The following CDH10 variants were observed in gnomAD, a reference collection of about 807,000 sequenced individuals.
CDH10 encodes cadherin 10.
Under a neutral mutation model 73.1 loss-of-function variants are expected in CDH10, and 30 were observed. The observed-to-expected ratio is 0.41, with a 90% CI of 0.31 to 0.56. CDH10 has a LOEUF of 0.56. CDH10 is among the 20% of genes least tolerant of loss of function. The pLI is 0.27. For missense variants in CDH10, 815 were observed against 973.7 expected, an observed-to-expected ratio of 0.84 and a Z score of 2.17; for synonymous variants, 345 against 348.2, an observed-to-expected ratio of 0.99 and a Z score of 0.10.
intron 5 of CDH10, among the ~76,000 whole-genome samples, chr5:24,514,207 C>T (rs932541342): frequency 3.3e-5 from 5 of 152,054 alleles, no homozygotes; most frequent in African/African-American, 4.8e-5. Context: ...ACATTGTAGC[C>T]GCATTGCCCC....
At chr5:24,629,654 T>C (rs181290600) in intron 1 of CDH10, among the ~76,000 whole-genome samples, 42 of 152,192 alleles carry the variant, frequency 2.8e-4, no homozygotes, top group African/African-American at 8.9e-4. Context: ...GTTCTCATGA[T>C]AGTGCATGAG....
At chr5:24,574,974 A>T (rs895348797) in intron 2 of CDH10, among the ~76,000 whole-genome samples, 17 of 152,088 alleles carry the variant, frequency 1.1e-4, no homozygotes, top group African/African-American at 3.6e-4. Context: ...AAATGAAGTT[A>T]ATCACTATTA....
chr5:24,607,549 C>T (rs1473212252), intron 1 of CDH10, among the ~76,000 whole-genome samples: 2 of 152,102 alleles, frequency 1.3e-5, no homozygotes, highest in Admixed American at 6.5e-5. Context: ...ATACGCTAAG[C>T]TTACAACAAT....
chr5:24,537,264 G>T, intron 3 of CDH10, 116 bp downstream of exon 3: 1 of 666,136 alleles, frequency 1.5e-6, no homozygotes, highest in Non-Finnish European at 2.5e-6. Flanking sequence ...AAATAAATAT[G>T]TACTCATGGT....
chr5:24,620,424 C>A (rs997070247), intron 1 of CDH10, among the ~76,000 whole-genome samples: 1 of 151,922 alleles, frequency 6.6e-6, no homozygotes, highest in African/African-American at 2.4e-5. Context: ...AATGAATCAG[C>A]CTTAATGATT....
At chr5:24,627,128 C>T (rs1747536267) in intron 1 of CDH10, among the ~76,000 whole-genome samples, 1 of 151,754 alleles carries the variant, frequency 6.6e-6, no homozygotes, top group Admixed American at 6.6e-5. Flanking sequence ...CTACCAGTAA[C>T]ATTTTAAAAA....
At chr5:24,499,949 G>A (rs1742429129) in intron 8 of CDH10, among the ~76,000 whole-genome samples, 1 of 152,080 alleles carries the variant, frequency 6.6e-6, no homozygotes, top group East Asian at 1.9e-4. Context: ...TTTTGGAAAA[G>A]TAAAGCTGAA....
chr5:24,522,302 C>A (rs1173141859), intron 5 of CDH10, among the ~76,000 whole-genome samples: 3 of 152,014 alleles, frequency 2.0e-5, no homozygotes, highest in Admixed American at 6.6e-5. Flanking sequence ...CTATTTTGAA[C>A]CTTGAATGCT....
intron 1 of CDH10, among the ~76,000 whole-genome samples, chr5:24,600,113 A>T (rs932920597): frequency 2.0e-5 from 3 of 152,180 alleles, no homozygotes; most frequent in African/African-American, 7.2e-5. Flanking sequence ...TTTTCAACTT[A>T]TCAAAAAAGA....
rs762877626 is a variant in CDH10 at position 24,511,539 on chromosome 5, GAGAGAC to G, written c.815-31_815-26del. The stretch of plus-strand genomic sequence containing the variant: ...TCTGTAAAGTATAAAGAAAAGAAGA[GAGAGAC>G]AGAGAGAGAGAGAGAGAGAGAGAGA... On this transcript the variant is annotated intron_variant, in intron 5 of 11. Transcript: ENST00000264463. 197 of 816,470 alleles carry G rather than the reference GAGAGAC, an allele frequency of 2.4e-4. 1 individual carries two copies. Among genetic ancestry groups the G allele is most frequent in the Admixed American group, 3.1e-4 (13 of 42,318 alleles). 50.6% of individuals were successfully genotyped at this position (816,470 alleles called of 1,614,324 possible). A position where few individuals can be genotyped will look rare whatever the true frequency, so the allele number is the denominator to read the frequency against.
chr5:24,572,189 A>G (rs1352421657), intron 2 of CDH10, among the ~76,000 whole-genome samples: 3 of 152,182 alleles, frequency 2.0e-5, no homozygotes, highest in Non-Finnish European at 2.9e-5. Context: ...AGGACCCGGG[A>G]AAGCCAAGGA....
chr5:24,581,597 C>A (rs1198835451), intron 2 of CDH10, among the ~76,000 whole-genome samples: 1 of 152,150 alleles, frequency 6.6e-6, no homozygotes, highest in Non-Finnish European at 1.5e-5. Context: ...CTAGAGATTG[C>A]CCAGAAAATA....
chr5:24,629,656 G>C (rs1579487166), intron 1 of CDH10, among the ~76,000 whole-genome samples: 1 of 152,222 alleles, frequency 6.6e-6, no homozygotes, highest in South Asian at 2.1e-4. Flanking sequence ...TCTCATGATA[G>C]TGCATGAGTC....
Position 24,505,099 on chromosome 5 carries a change from A to C in CDH10, c.1393+13T>G. 1 of 1,582,134 alleles carries C rather than the reference A, an allele frequency of 6.3e-7. No individual in the cohort carries two copies. Among genetic ancestry groups the C allele is most frequent in the Non-Finnish European group, 8.7e-7 (1 of 1,152,238 alleles). ...TATCTAGATATATGTTAGATACATA[A>C]AATTCATCTTACTGATTTCAGCAGC... On this transcript the variant is annotated intron_variant, in intron 8 of 11. Transcript: ENST00000264463.
At chr5:24,518,993 T>A (rs1743212993) in intron 5 of CDH10, among the ~76,000 whole-genome samples, 1 of 147,942 alleles carries the variant, frequency 6.8e-6, no homozygotes, top group African/African-American at 2.5e-5. Flanking sequence ...TGGGTTCAAG[T>A]GATTCTCATG....
chr5:24,504,483 T>C (rs1253067171), intron 8 of CDH10, among the ~76,000 whole-genome samples: 1 of 149,264 alleles, frequency 6.7e-6, no homozygotes, highest in East Asian at 2.0e-4. Context: ...AAAATTTATA[T>C]TAAATGCTTT....
chr5:24,614,836 A>C (rs1747075893), intron 1 of CDH10, among the ~76,000 whole-genome samples: 1 of 152,162 alleles, frequency 6.6e-6, no homozygotes, highest in Admixed American at 6.6e-5. Flanking sequence ...CCATCTAATT[A>C]TTCTGTGAAA....
chr5:24,492,619 GAT>G (rs1303161076), intron 10 of CDH10, among the ~76,000 whole-genome samples, 196 bp downstream of exon 10: 1 of 152,088 alleles, frequency 6.6e-6, no homozygotes, highest in Non-Finnish European at 1.5e-5. Context: ...ACCTCTTTCA[GAT>G]ATTTTATTAT....
In CDH10 at chr5:24,505,113, G is replaced by C. The variant is rs1398866687; in HGVS notation, c.1392C>G (p.Ile464Met). The change falls in exon 8 of 12, where the codon ATC (isoleucine) becomes ATG (methionine). Residue 464 changes from isoleucine (I) to methionine (M), a missense_variant and splice_region_variant. Transcript: ENST00000264463. ...TTAGATACATAAAATTCATCTTACT[G>C]ATTTCAGCAGCAATAACAGTAAGAT... ...WHNLTVIAAE[I>M]NNPKETTRVA... The C allele has an allele frequency of 6.2e-7, 1 of 1,606,568 alleles. No homozygotes were observed. Among genetic ancestry groups the C allele is most frequent in the African/African-American group, 1.3e-5 (1 of 74,686 alleles).
Sources: gnomAD v4.1 joint callset for allele counts (sites outside exome capture counted in the v4.1 genomes callset) on GRCh38, gnomAD v4.1.1 for gene constraint, MANE v1.5 for transcripts, NCBI Gene and HGNC (gene_info 2026-07-23, HGNC 2026-07-21) for gene names.